The following POU6F2 variants were observed in gnomAD, a reference collection of about 807,000 sequenced individuals.
The protein encoded by POU6F2 is POU domain, class 6, transcription factor 2.
Under a neutral mutation model 71.3 loss-of-function variants are expected in POU6F2, and 31 were observed. The observed-to-expected ratio is 0.43, with a 90% confidence interval of 0.33 to 0.59. The LOEUF (loss-of-function observed/expected upper bound fraction) is 0.59. Ranked by LOEUF, POU6F2 falls within the 20% of genes least tolerant of loss-of-function variation. The pLI, the probability that POU6F2 is intolerant of heterozygous loss-of-function variation, is 0.04. For missense variants in POU6F2, 783 were observed against 856.8 expected (o/e 0.91, Z 1.07); for synonymous variants, 347 against 355.7 (o/e 0.98, Z 0.27).
chr7:39,038,379 G>T (rs1442708738), intron 1 of POU6F2, among the ~76,000 whole-genome samples: 5 of 151,902 alleles, frequency 3.3e-5, no homozygotes, highest in Admixed American at 2.0e-4. Context: ...AACATTTAAG[G>T]CCTCTATTTT....
intron 4 of POU6F2, among the ~76,000 whole-genome samples, chr7:39,277,778 G>T (rs554564645): frequency 6.6e-6 from 1 of 152,100 alleles, no homozygotes; most frequent in Non-Finnish European, 1.5e-5. Context: ...AAGGTCGGGG[G>T]CCAGGAGCGG....
intron 7 of POU6F2, among the ~76,000 whole-genome samples, chr7:39,446,686 T>C (rs1788530896): frequency 6.6e-6 from 1 of 152,154 alleles, no homozygotes; most frequent in African/African-American, 2.4e-5. Flanking sequence ...TGAGAGCCAG[T>C]AGGACGTAGA....
chr7:39,441,365 T>TTGAGTCA (rs3072141), intron 7 of POU6F2, among the ~76,000 whole-genome samples: 1 of 151,258 alleles, frequency 6.6e-6, no homozygotes, highest in East Asian at 2.0e-4. Flanking sequence ...GTACTTGGAG[T>TTGAGTCA]TGAGTACATG....
At chr7:39,034,388 G>T (rs913901667) in intron 1 of POU6F2, 15 of 312,002 alleles carry the variant, frequency 4.8e-5, no homozygotes, top group Admixed American at 2.1e-4. Flanking sequence ...TAGGAGAGAG[G>T]GGGGAGGCAG....
At chr7:39,219,645 C>T (rs1275163390) in intron 4 of POU6F2, among the ~76,000 whole-genome samples, 2 of 152,174 alleles carry the variant, frequency 1.3e-5, no homozygotes, top group Non-Finnish European at 2.9e-5. Context: ...AAATACTTGG[C>T]TCCACGTTAA....
In POU6F2 at chr7:39,414,629, CA is replaced by C. The variant is rs568055429; in HGVS notation, c.1113+7890del. 3.7e-3 allele frequency among the ~76,000 whole-genome samples: 570 copies of C among 152,336 alleles called. 5 individuals carry two copies. Among genetic ancestry groups the C allele is most frequent in the African/African-American group, 0.013 (537 of 41,582 alleles). ...GCGGACGCGCGGGACGTCAGGGCCC[CA>C]GCAGAAGCGCCGGGCTGTGCGTCCT... is the stretch of plus-strand genomic sequence containing the variant. On this transcript the variant is annotated intron_variant, in intron 6 of 9. Transcript: ENST00000518318.
intron 4 of POU6F2, among the ~76,000 whole-genome samples, chr7:39,238,188 C>T (rs778861618): frequency 4.6e-5 from 7 of 152,170 alleles, no homozygotes; most frequent in Non-Finnish European, 4.4e-5. Flanking sequence ...TATTAAGCCT[C>T]TCTAAACTCA....
intron 6 of POU6F2, among the ~76,000 whole-genome samples, chr7:39,432,044 A>G (rs997175184): frequency 1.7e-4 from 26 of 152,222 alleles, no homozygotes. Context: ...ATCATGTTTT[A>G]GGTTTTTACA....
chr7:39,263,715 TA>T (rs1784186701), intron 4 of POU6F2, among the ~76,000 whole-genome samples: 1 of 152,204 alleles, frequency 6.6e-6, no homozygotes, highest in South Asian at 2.1e-4. Context: ...TTCATCTTTC[TA>T]ATTACCCTTA....
At chr7:39,049,911 G>C (rs1790370774) in intron 1 of POU6F2, among the ~76,000 whole-genome samples, 1 of 151,966 alleles carries the variant, frequency 6.6e-6, no homozygotes, top group Non-Finnish European at 1.5e-5. Flanking sequence ...GACACTCAGA[G>C]AAATGTCTAT....
intron 1 of POU6F2, among the ~76,000 whole-genome samples, chr7:39,054,573 C>T (rs1299801878): frequency 6.6e-6 from 1 of 151,684 alleles, no homozygotes; most frequent in African/African-American, 2.4e-5. Context: ...AGGTAATGGC[C>T]CTCTAAGCAT....
intron 2 of POU6F2, among the ~76,000 whole-genome samples, chr7:39,128,458 A>G (rs1286342308): frequency 6.6e-6 from 1 of 152,174 alleles, no homozygotes; most frequent in African/African-American, 2.4e-5. Flanking sequence ...GAGCATTAGC[A>G]AAATTTGGCA....
chr7:39,328,857 A>G (rs1480358171), intron 4 of POU6F2: 1 of 152,192 alleles, frequency 6.6e-6, no homozygotes, highest in Non-Finnish European at 1.5e-5. Context: ...GCCTCCGACC[A>G]CCACTCCAAC....
chr7:39,251,692 T>A (rs1783920182), intron 4 of POU6F2, among the ~76,000 whole-genome samples: 1 of 152,172 alleles, frequency 6.6e-6, no homozygotes, highest in Non-Finnish European at 1.5e-5. Context: ...CCTCTCCTCA[T>A]GTAGCAAATG....
chr7:38,993,847 C>T (rs1297651161), intron 1 of POU6F2, among the ~76,000 whole-genome samples: 1 of 152,096 alleles, frequency 6.6e-6, no homozygotes, highest in East Asian at 1.9e-4. Context: ...AAAGGAGTAA[C>T]ATGTTCTCAG....
Position 39,085,922 on chromosome 7 carries a change from G to A in POU6F2, c.168G>A (p.Ala56=), listed in dbSNP as rs376754165. ...TGTCAGTGCGGAGTGAAATGAATGC[G>A]GAGTTGAGAGGTGAGGACAAGGCTG... ...PLLSVRSEMN[A]ELRGEDKAAT... is the part of the protein sequence containing the mutation. Residue 56 remains alanine (A), a synonymous_variant, in exon 2 of 10, where the codon GCG becomes GCA. Transcript: ENST00000518318. 3 of 1,613,454 alleles carry A rather than the reference G, an allele frequency of 1.9e-6. No homozygotes were observed. Among genetic ancestry groups the A allele is most frequent in the African/African-American group, 1.3e-5 (1 of 74,862 alleles).
chr7:39,205,631 A>G (rs1793995418), intron 3 of POU6F2, among the ~76,000 whole-genome samples: 1 of 152,234 alleles, frequency 6.6e-6, no homozygotes, highest in Non-Finnish European at 1.5e-5. Context: ...AATTTTGTAT[A>G]CATTCCCGAA....
chr7:39,459,371 C>G (rs1583621267), intron 8 of POU6F2, among the ~76,000 whole-genome samples: 1 of 152,282 alleles, frequency 6.6e-6, no homozygotes, highest in East Asian at 1.9e-4. Context: ...CATGAAGCTC[C>G]AAGCTCCCCA....
chr7:39,136,317 T>C (rs994564943), intron 2 of POU6F2, among the ~76,000 whole-genome samples: 6 of 152,208 alleles, frequency 3.9e-5, no homozygotes, highest in Admixed American at 3.3e-4. Flanking sequence ...GAACTTACCC[T>C]ACCAGATACC....
Sources: gnomAD v4.1 joint callset for allele counts (sites outside exome capture counted in the v4.1 genomes callset) on GRCh38, gnomAD v4.1.1 for gene constraint, MANE v1.5 for transcripts, NCBI Gene and HGNC (gene_info 2026-07-23, HGNC 2026-07-21) for gene names.